TMEM265: variants seen among roughly 807,000 people sequenced by gnomAD.
The protein encoded by TMEM265 is transmembrane protein 265.
Under a neutral mutation model 9.5 loss-of-function variants are expected in TMEM265, and 8 were observed. The ratio of observed to expected loss-of-function variants is 0.84; its 90% CI spans 0.49 to 1.52. The LOEUF is 1.52. Ranked by LOEUF, TMEM265 falls within the 40% of genes most tolerant of loss-of-function variation. The probability of loss-of-function intolerance (pLI) is 0.00; values close to 1 mark genes in which losing one functional copy is unlikely to be tolerated. For missense variants in TMEM265, 152 were observed against 146.2 expected (o/e 1.04, Z -0.21); for synonymous variants, 53 against 56.9 (o/e 0.93, Z 0.31).
chr16:30,743,337 C>T (rs1033287573), intron 2 of TMEM265, among the ~76,000 whole-genome samples: 2 of 150,888 alleles, frequency 1.3e-5, no homozygotes, highest in African/African-American at 4.9e-5. Context: ...AGTGAGATTG[C>T]ACCACTGCAC....
rs1277858979 is a variant in TMEM265 at position 30,745,006 on chromosome 16, T to C, written c.*1063T>C. 1 of 152,172 alleles carries C rather than the reference T, an allele frequency of 6.6e-6. No individual in the cohort carries two copies. Among genetic ancestry groups the C allele is most frequent in the African/African-American group, 2.4e-5 (1 of 41,436 alleles). The allele number at this position is 152,172 out of a possible 1,614,324, so 9.4% of individuals were successfully genotyped here. ...TGAATAACCACATTCAGTAAAGAAATTGGAACACTGTCAACACTTCAAAGC... is the reference window on the plus strand; with the variant it reads ...TGAATAACCACATTCAGTAAAGAAACTGGAACACTGTCAACACTTCAAAGC... On this transcript the variant is annotated 3_prime_UTR_variant, in exon 3 of 3. Coordinates refer to ENST00000615541, the MANE Select transcript of TMEM265 (RefSeq NM_001256829.2).
At position 30,744,140 on chromosome 16, in the gene TMEM265, T is replaced by G. The variant is rs1200372807; in HGVS notation, c.*197T>G. On this transcript the variant is annotated 3_prime_UTR_variant, in exon 3 of 3. Coordinates refer to ENST00000615541, the MANE Select transcript of TMEM265 (RefSeq NM_001256829.2). ...TGAGACTGATGAGAGGAGGGCAGCC[T>G]GCTCTGTTCTTTCAGGGCCCCCCAC... 3 of 566,800 alleles carry G rather than the reference T, an allele frequency of 5.3e-6. No homozygotes were observed. The highest frequency in any genetic ancestry group is 8.5e-6 in the Non-Finnish European group (3 of 352,558). The allele number at this position is 566,800 out of a possible 1,614,324, so 35.1% of individuals were successfully genotyped here.
chr16:30,743,043 G>C (rs1360688656), intron 2 of TMEM265, among the ~76,000 whole-genome samples: 1 of 152,046 alleles, frequency 6.6e-6, no homozygotes, highest in Non-Finnish European at 1.5e-5. Flanking sequence ...GTCAGAAACT[G>C]TAAGAACTCC....
intron 1 of TMEM265, chr16:30,741,448 C>T (rs762896606): frequency 2.3e-5 from 7 of 310,664 alleles, no homozygotes; most frequent in African/African-American, 6.3e-5. Flanking sequence ...TCTCGGTGTG[C>T]ACCTGTCATT....
rs1596673742 is a variant in TMEM265, at chr16:30,744,218, T to A, written c.*275T>A. 3.0e-6 allele frequency: 1 copy of A among 337,836 alleles called. No homozygotes were observed. Among genetic ancestry groups the A allele is most frequent in the Non-Finnish European group, 5.2e-6 (1 of 192,502 alleles). The allele number at this position is 337,836 out of a possible 1,614,324, so 20.9% of individuals were successfully genotyped here. A position where few individuals can be genotyped will look rare whatever the true frequency, so the allele number is the denominator to read the frequency against. On this transcript the variant is annotated 3_prime_UTR_variant, in exon 3 of 3. Transcript: ENST00000615541. Reference sequence around the variant, plus strand: ...TAGGGCCTCTACCCAGCGGGAGGGGTTGAAGACCAGGCCTGGTTTTATTAG... The same window carrying A: ...TAGGGCCTCTACCCAGCGGGAGGGGATGAAGACCAGGCCTGGTTTTATTAG...
intron 2 of TMEM265, among the ~76,000 whole-genome samples, chr16:30,742,499 T>C (rs1389488248): frequency 6.6e-6 from 1 of 152,136 alleles, no homozygotes; most frequent in Non-Finnish European, 1.5e-5. Context: ...AGATCCACTC[T>C]CAAGGCCTAC....
intron 2 of TMEM265, among the ~76,000 whole-genome samples, chr16:30,743,051 T>C (rs1214576963): frequency 1.3e-5 from 2 of 151,950 alleles, no homozygotes; most frequent in Non-Finnish European, 2.9e-5. Flanking sequence ...CTGTAAGAAC[T>C]CCTGGGTTCC....
intron 1 of TMEM265, 48 bp from the exon 2 acceptor site, chr16:30,741,693 C>G: frequency 6.7e-7 from 1 of 1,501,166 alleles, no homozygotes; most frequent in Non-Finnish European, 8.9e-7. Flanking sequence ...CAAGCAAGGC[C>G]AAGGGCTCTG....
chr16:30,744,275 G>T lies in TMEM265; in HGVS notation c.*332G>T. 1 of 205,142 alleles carries T rather than the reference G, an allele frequency of 4.9e-6. No individual in the cohort carries two copies. Among genetic ancestry groups the T allele is most frequent in the Non-Finnish European group, 9.6e-6 (1 of 103,696 alleles). 12.7% of individuals were successfully genotyped at this position (205,142 alleles called of 1,614,324 possible). On this transcript the variant is annotated 3_prime_UTR_variant, in exon 3 of 3. Coordinates refer to ENST00000615541, the MANE Select transcript of TMEM265 (RefSeq NM_001256829.2). The stretch of plus-strand genomic sequence containing the variant: ...TTTTGTAATAAAAGCCTTTTTTAGT[G>T]GTGAAATACTCCTGTCTAATTGTTC...
chr16:30,743,400 T>C (rs1249999856), intron 2 of TMEM265, among the ~76,000 whole-genome samples: 1 of 151,116 alleles, frequency 6.6e-6, no homozygotes. Flanking sequence ...AAAAAAAAGA[T>C]GGAAAAGATG....
rs552740256 is a variant in TMEM265 at position 30,744,083 on chromosome 16, C to T, written c.*140C>T. The T allele has an allele frequency of 1.9e-5, 18 of 966,472 alleles. No homozygotes were observed. The highest frequency in any genetic ancestry group is 2.3e-5 in the Non-Finnish European group (16 of 681,426). 59.9% of individuals were successfully genotyped at this position (966,472 alleles called of 1,614,324 possible). A position where few individuals can be genotyped will look rare whatever the true frequency, so the allele number is the denominator to read the frequency against. Reference sequence around the variant, plus strand: ...TCTCTCAAGGGGCTTTGGAAGAGCTCTTCTAGCCCTTTATAAAAGGAGGGC... The same window carrying T: ...TCTCTCAAGGGGCTTTGGAAGAGCTTTTCTAGCCCTTTATAAAAGGAGGGC... On this transcript the variant is annotated 3_prime_UTR_variant, in exon 3 of 3. Coordinates refer to ENST00000615541, the MANE Select transcript of TMEM265 (RefSeq NM_001256829.2).
In TMEM265 at chr16:30,743,807, G is replaced by T. The variant is rs764707518; in HGVS notation, c.191G>T (p.Arg64Leu). 3 of 1,532,988 alleles carry T rather than the reference G, an allele frequency of 2.0e-6. No homozygotes were observed. The highest frequency in any genetic ancestry group is 2.4e-5 in the East Asian group (1 of 40,858). 95.0% of individuals were successfully genotyped at this position (1,532,988 alleles called of 1,614,324 possible). A position where few individuals can be genotyped will look rare whatever the true frequency, so the allele number is the denominator to read the frequency against. ...IKAEERHKAG[R>L]SEEAVRWGAR... ...GCGGAAGAGCGGCATAAAGCAGGCC[G>T]GTCCGAGGAGGCAGTGCGCTGGGGG... Residue 64 changes from arginine to leucine, a missense_variant, in exon 3 of 3, where the codon CGG becomes CTG. By Grantham distance (102) the Arg-to-Leu change is moderately radical. Transcript: ENST00000615541.
intron 2 of TMEM265, 45 bp downstream of exon 2, chr16:30,741,953 A>G (rs954006966): frequency 2.8e-5 from 42 of 1,511,218 alleles, no homozygotes; most frequent in African/African-American, 2.6e-4. Flanking sequence ...GTATAAGGCA[A>G]TGGTTTCATG....
chr16:30,743,960 C>T lies in TMEM265; in HGVS notation c.*17C>T. 1.3e-6 allele frequency: 2 copies of T among 1,530,102 alleles called. No homozygotes were observed. The highest frequency in any genetic ancestry group is 1.7e-6 in the Non-Finnish European group (2 of 1,144,264). 94.8% of individuals were successfully genotyped at this position (1,530,102 alleles called of 1,614,324 possible). A position where few individuals can be genotyped will look rare whatever the true frequency, so the allele number is the denominator to read the frequency against. On this transcript the variant is annotated 3_prime_UTR_variant, in exon 3 of 3. Transcript: ENST00000615541. The stretch of plus-strand genomic sequence containing the variant: ...GCTGAGTGACCCTGGATGGCCTCTG[C>T]TGAGAGCCAGCCGAGACCTCCTGGA...
chr16:30,742,510 A>G (rs1187910117), intron 2 of TMEM265, among the ~76,000 whole-genome samples: 2 of 152,196 alleles, frequency 1.3e-5, no homozygotes, highest in African/African-American at 4.8e-5. Flanking sequence ...CAAGGCCTAC[A>G]TCGAGGGTGA....
chr16:30,744,285 T>C lies in TMEM265; in HGVS notation c.*342T>C, dbSNP rs2151303425. On this transcript the variant is annotated 3_prime_UTR_variant, in exon 3 of 3. Coordinates refer to ENST00000615541, the MANE Select transcript of TMEM265 (RefSeq NM_001256829.2). ...AAAGCCTTTTTTAGTGGTGAAATAC[T>C]CCTGTCTAATTGTTCTCCTCCTGCT... 1 of 186,884 alleles carries C rather than the reference T, an allele frequency of 5.4e-6. No individual in the cohort carries two copies. Among genetic ancestry groups the C allele is most frequent in the East Asian group, 1.3e-4 (1 of 7,416 alleles). The allele number at this position is 186,884 out of a possible 1,614,324, so 11.6% of individuals were successfully genotyped here.
At chr16:30,743,134 C>T (rs531924422) in intron 2 of TMEM265, among the ~76,000 whole-genome samples, 2 of 152,188 alleles carry the variant, frequency 1.3e-5, no homozygotes, top group Admixed American at 6.5e-5. Context: ...CGCCTGTAAT[C>T]CCAGCACTTT....
intron 2 of TMEM265, among the ~76,000 whole-genome samples, chr16:30,742,183 A>T (rs2053230873): frequency 6.6e-6 from 1 of 152,208 alleles, no homozygotes; most frequent in Non-Finnish European, 1.5e-5. Context: ...TATGTATGTA[A>T]TTATATATGT....
In TMEM265 at chr16:30,743,991, C is replaced by A. The variant is rs2053241343; in HGVS notation, c.*48C>A. On this transcript the variant is annotated 3_prime_UTR_variant, in exon 3 of 3. Coordinates refer to ENST00000615541, the MANE Select transcript of TMEM265 (RefSeq NM_001256829.2). ...GCCAGCCGAGACCTCCTGGATCCTG[C>A]AATGCGGCATTGCTAAGGTCCTGTG... 1 of 1,506,104 alleles carries A rather than the reference C, an allele frequency of 6.6e-7. No homozygotes were observed. The highest frequency in any genetic ancestry group is 1.2e-5 in the South Asian group (1 of 80,770). 93.3% of individuals were successfully genotyped at this position (1,506,104 alleles called of 1,614,324 possible).
Sources: allele counts gnomAD v4.1 joint callset (sites outside exome capture counted in the v4.1 genomes callset), GRCh38; gene constraint gnomAD v4.1.1; transcripts MANE v1.5; gene names NCBI Gene and HGNC (gene_info 2026-07-23, HGNC 2026-07-21).